Variants in RPH3A observed in about 807,000 individuals in gnomAD.
The protein encoded by RPH3A is rabphilin-3A.
A neutral mutation model predicts 102.2 loss-of-function variants in RPH3A; 48 were observed. The observed-to-expected ratio is 0.47, with a 90% CI of 0.37 to 0.60. The LOEUF is 0.60. Ranked by LOEUF, RPH3A falls within the 20% of genes least tolerant of loss-of-function variation. The pLI, the probability that RPH3A is intolerant of heterozygous loss-of-function variation, is 0.00. For missense variants in RPH3A, 781 were observed against 910.1 expected (o/e 0.86, Z 1.83); for synonymous variants, 310 against 324.3 (o/e 0.96, Z 0.47).
intron 1 of RPH3A, among the ~76,000 whole-genome samples, chr12:112,712,894 CTT>C (rs1300738795): frequency 7.3e-6 from 1 of 137,252 alleles, no homozygotes. Flanking sequence ...TCTTCTTCTT[CTT>C]CTTCTTCCTC....
chr12:112,647,136 A>G (rs1037113137), intron 1 of RPH3A, among the ~76,000 whole-genome samples: 1 of 152,186 alleles, frequency 6.6e-6, no homozygotes, highest in Non-Finnish European at 1.5e-5. Flanking sequence ...TTTATGTTTA[A>G]TGGACAAAAG....
chr12:112,832,937 C>CTTTT lies in RPH3A; in HGVS notation c.72-3540_72-3537dup, dbSNP rs71086121. 6.4e-4 allele frequency among the ~76,000 whole-genome samples: 84 copies of CTTTT among 131,742 alleles called. 2 individuals are homozygous for CTTTT. Among genetic ancestry groups the CTTTT allele is most frequent in the Admixed American group, 1.7e-3 (22 of 12,856 alleles). The allele number at this position is 131,742 out of a possible 152,430, so 86.4% of individuals were successfully genotyped here. ...TTAAACACATTTCAATTATTTCACT[C>CTTTT]TTTTTTTTTTTTTTTTTGAGACCGA... On this transcript the variant is annotated intron_variant, in intron 3 of 21. Transcript: ENST00000389385.
Position 112,847,874 on chromosome 12 carries a change from G to A in RPH3A, c.230+32G>A, listed in dbSNP as rs764254261. 3.7e-6 allele frequency: 6 copies of A among 1,608,578 alleles called. No homozygotes were observed. The South Asian group carries it at 6.7e-5, about 18-fold the overall frequency. ...CTTAACGCTTCCCATTCACCCCAGA[G>A]CTGCTGTGGCAGGAGGGTGTGCTGG... On this transcript the variant is annotated intron_variant, in intron 5 of 21. Coordinates refer to ENST00000389385, the MANE Select transcript of RPH3A (RefSeq NM_001143854.2).
chr12:112,878,112 C>T (rs777393741), intron 13 of RPH3A, among the ~76,000 whole-genome samples: 1 of 152,192 alleles, frequency 6.6e-6, no homozygotes, highest in Non-Finnish European at 1.5e-5. Flanking sequence ...GCCCTGTGCA[C>T]TCCCATGGAT....
intron 1 of RPH3A, among the ~76,000 whole-genome samples, chr12:112,734,025 A>G (rs775833819): frequency 6.6e-5 from 10 of 152,212 alleles, no homozygotes; most frequent in Non-Finnish European, 1.2e-4. Flanking sequence ...TGAATTAGAT[A>G]TCTTATTATT....
intron 5 of RPH3A, 141 bp downstream of exon 5, chr12:112,847,983 C>T (rs181367771): frequency 1.6e-5 from 13 of 805,198 alleles, no homozygotes; most frequent in African/African-American, 5.2e-5. Flanking sequence ...GCCACCTCCC[C>T]GCCCCACCCC....
At chr12:112,660,729 T>C (rs751498226) in intron 1 of RPH3A, among the ~76,000 whole-genome samples, 16 of 152,128 alleles carry the variant, frequency 1.1e-4, no homozygotes, top group Non-Finnish European at 1.8e-4. Flanking sequence ...TTAAATCCTA[T>C]TTTATAGATG....
At chr12:112,601,561 T>A (rs945224087) in intron 1 of RPH3A, among the ~76,000 whole-genome samples, 61 of 151,904 alleles carry the variant, frequency 4.0e-4, no homozygotes, top group African/African-American at 1.3e-3. Context: ...AAAAAGTACA[T>A]ATAGACTATT....
Sources: gnomAD v4.1 joint callset for allele counts (sites outside exome capture counted in the v4.1 genomes callset) on GRCh38, gnomAD v4.1.1 for gene constraint, MANE v1.5 for transcripts, NCBI Gene and HGNC (gene_info 2026-07-23, HGNC 2026-07-21) for gene names.